The following CDH8 variants were observed in gnomAD, a reference collection of about 807,000 sequenced individuals.
CDH8 encodes the protein cadherin 8.
A neutral mutation model predicts 68.1 loss-of-function variants in CDH8; 17 were observed. The observed-to-expected ratio is 0.25, with a 90% CI of 0.17 to 0.37. The LOEUF (loss-of-function observed/expected upper bound fraction) is 0.37, where lower values mean the gene tolerates loss of function less well. Ranked by LOEUF, CDH8 falls within the 10% of genes least tolerant of loss-of-function variation. CDH8 has a pLI of 1.00. For missense variants in CDH8, 763 were observed against 999.3 expected (o/e 0.76, Z 3.19); for synonymous variants, 372 against 365.1 (o/e 1.02, Z -0.21).
rs757443187 is a variant in CDH8, at chr16:62,021,284, A to T, written c.120T>A (p.Ser40Arg). 6.2e-7 allele frequency: 1 copy of T among 1,613,970 alleles called. No individual in the cohort carries two copies. The highest frequency in any genetic ancestry group is 1.1e-5 in the South Asian group (1 of 91,082). ...APMNQSQVLM[S>R]GSPLELNSLG... ...GACTGTTTAGTTCCAAAGGGGATCC[A>T]CTCATTAAAACTTGAGACTGATTCA... is the stretch of plus-strand genomic sequence containing the variant. The change falls in exon 2 of 12, where the codon AGT (serine) becomes AGA (arginine). Residue 40 changes from serine to arginine, a missense_variant. Physicochemically the swap from Ser to Arg is moderately radical, Grantham distance 110 (BLOSUM62 -1). Coordinates refer to ENST00000577390, the MANE Select transcript of CDH8 (RefSeq NM_001796.5).
intron 3 of CDH8, among the ~76,000 whole-genome samples, chr16:61,858,483 G>A (rs917995951): frequency 6.6e-6 from 1 of 152,112 alleles, no homozygotes; most frequent in African/African-American, 2.4e-5. Flanking sequence ...AGCAAGTGCT[G>A]GAAACATAAT....
intron 10 of CDH8, among the ~76,000 whole-genome samples, chr16:61,700,827 C>T (rs1228149716): frequency 6.6e-6 from 1 of 152,006 alleles, no homozygotes; most frequent in Non-Finnish European, 1.5e-5. Context: ...TCTATTGCAC[C>T]ATAGGGTGGC....
intron 8 of CDH8, among the ~76,000 whole-genome samples, chr16:61,757,931 G>C (rs147656622): frequency 6.6e-6 from 1 of 152,266 alleles, no homozygotes; most frequent in Non-Finnish European, 1.5e-5. Context: ...TTATGCCGCA[G>C]TAGATAATCA....
chr16:61,695,239 T>C (rs1030760760), intron 10 of CDH8, among the ~76,000 whole-genome samples: 6 of 152,170 alleles, frequency 3.9e-5, no homozygotes, highest in African/African-American at 9.7e-5. Context: ...CTTCTCCTTA[T>C]AGGCTCTGCT....
intron 2 of CDH8, among the ~76,000 whole-genome samples, chr16:61,998,615 TAAA>T (rs1250703871): frequency 7.9e-5 from 12 of 152,148 alleles, no homozygotes; most frequent in Non-Finnish European, 1.5e-4. Context: ...ACCTTGTAAT[TAAA>T]CAAGTCATGC....
Position 61,647,727 on chromosome 16 carries a change from G to C in CDH8, c.*5881C>G. On this transcript the variant is annotated 3_prime_UTR_variant, in exon 12 of 12. Coordinates refer to ENST00000577390, the MANE Select transcript of CDH8 (RefSeq NM_001796.5). The stretch of plus-strand genomic sequence containing the variant: ...ATCATAGGATGGCCTGAAGTTCTTT[G>C]CATGTACAGAAGAAATCCCAAGAAA... 1.5e-6 allele frequency: 1 copy of C among 687,374 alleles called. No homozygotes were observed. The highest frequency in any genetic ancestry group is 2.6e-6 in the Non-Finnish European group (1 of 377,758). 42.6% of individuals were successfully genotyped at this position (687,374 alleles called of 1,614,324 possible). A position where few individuals can be genotyped will look rare whatever the true frequency, so the allele number is the denominator to read the frequency against.
intron 2 of CDH8, among the ~76,000 whole-genome samples, chr16:62,016,609 A>G (rs189106390): frequency 2.6e-5 from 4 of 152,336 alleles, no homozygotes; most frequent in African/African-American, 7.2e-5. Flanking sequence ...TTTTTTCTCT[A>G]TCACAATTTC....
chr16:61,925,919 G>A (rs553407334), intron 2 of CDH8, among the ~76,000 whole-genome samples: 2 of 152,218 alleles, frequency 1.3e-5, no homozygotes, highest in South Asian at 4.1e-4. Context: ...AAGAGGAAAA[G>A]ATGGAGAAAG....
At chr16:61,912,502 G>T (rs1451614934) in intron 2 of CDH8, among the ~76,000 whole-genome samples, 1 of 152,098 alleles carries the variant, frequency 6.6e-6, no homozygotes, top group Non-Finnish European at 1.5e-5. Context: ...ATGGCTAGGT[G>T]AAGGGCTAAT....
intron 8 of CDH8, among the ~76,000 whole-genome samples, chr16:61,773,664 G>T (rs915938876): frequency 1.3e-5 from 2 of 152,058 alleles, no homozygotes; most frequent in East Asian, 3.9e-4. Context: ...CTTCTCAAGA[G>T]ATCTACACAG....
rs143073140 is a variant in CDH8 at position 61,864,341 on chromosome 16, G to T, written c.548-7103C>A. On this transcript the variant is annotated intron_variant, in intron 3 of 11. Transcript: ENST00000577390. ...TGGTTGGTTGGTTGGTTGGTTGGTT[G>T]GTTGATTGAAAGTCTCCACCCCCTC... 2.0e-5 allele frequency among the ~76,000 whole-genome samples: 3 copies of T among 151,858 alleles called. No individual in the cohort carries two copies. In the South Asian group the frequency reaches 6.3e-4, roughly 32 times the overall value.
rs181523287 is a variant in CDH8, at chr16:61,926,752, C to T, written c.253-25279G>A. ...TCTACATGAGTCTCTTTAATAGTAA[C>T]GGCAATTTTATGTAGACTCACGCTG... is the stretch of plus-strand genomic sequence containing the variant. On this transcript the variant is annotated intron_variant, in intron 2 of 11. Coordinates refer to ENST00000577390, the MANE Select transcript of CDH8 (RefSeq NM_001796.5). 2.9e-3 allele frequency among the ~76,000 whole-genome samples: 445 copies of T among 152,172 alleles called. 2 individuals carry two copies. The highest frequency in any genetic ancestry group is 4.4e-3 in the Non-Finnish European group (300 of 68,004).
In CDH8 at chr16:61,651,356, C is replaced by T. The variant is rs938824102; in HGVS notation, c.*2252G>A. ...ACCTCAAGAAAAAGTGTTCACTAGC[C>T]GTAATAATACGCATAAAAGATGACT... On this transcript the variant is annotated 3_prime_UTR_variant, in exon 12 of 12. Transcript: ENST00000577390. 4 of 151,924 alleles carry T rather than the reference C, an allele frequency of 2.6e-5. No homozygotes were observed. Among genetic ancestry groups the T allele is most frequent in the East Asian group, 1.9e-4 (1 of 5,170 alleles). The allele number at this position is 151,924 out of a possible 1,614,324, so 9.4% of individuals were successfully genotyped here.
chr16:61,868,735 T>G (rs777425584), intron 3 of CDH8, among the ~76,000 whole-genome samples: 4 of 152,152 alleles, frequency 2.6e-5, no homozygotes, highest in Non-Finnish European at 5.9e-5. Context: ...AAATTCTGAA[T>G]TTTCAGATTA....
chr16:61,989,279 A>C (rs1013806819), intron 2 of CDH8, among the ~76,000 whole-genome samples: 3 of 152,356 alleles, frequency 2.0e-5, no homozygotes, highest in East Asian at 1.9e-4. Flanking sequence ...ATTTTTTGAC[A>C]AAAAGAGTGA....
intron 8 of CDH8, among the ~76,000 whole-genome samples, chr16:61,768,135 C>T (rs969111909): frequency 6.6e-6 from 1 of 151,812 alleles, no homozygotes; most frequent in Non-Finnish European, 1.5e-5. Context: ...TATATTGTTG[C>T]AACTGTTTCT....
At chr16:61,985,918 C>CTT (rs71134380) in intron 2 of CDH8, among the ~76,000 whole-genome samples, 365 of 91,090 alleles carry the variant, frequency 4.0e-3, no homozygotes, top group Middle Eastern at 0.012. Context: ...CCTTTCTTTA[C>CTT]TTTTTTTTTT....
intron 3 of CDH8, among the ~76,000 whole-genome samples, chr16:61,873,006 A>G (rs1460919868): frequency 1.3e-5 from 2 of 152,220 alleles, no homozygotes; most frequent in Non-Finnish European, 1.5e-5. Flanking sequence ...ACTGAAAAAC[A>G]TTCAGAAGAG....
intron 10 of CDH8, among the ~76,000 whole-genome samples, chr16:61,669,000 A>G (rs1257959952): frequency 6.6e-6 from 1 of 152,082 alleles, no homozygotes; most frequent in Admixed American, 6.6e-5. Context: ...GAAATCTTTA[A>G]TACTGTGAAT....
Sources: gnomAD v4.1 joint callset for allele counts (sites outside exome capture counted in the v4.1 genomes callset) on GRCh38, gnomAD v4.1.1 for gene constraint, MANE v1.5 for transcripts, NCBI Gene and HGNC (gene_info 2026-07-23, HGNC 2026-07-21) for gene names.